The following LHFPL3 variants were observed in gnomAD, a reference collection of about 807,000 sequenced individuals.
LHFPL3 encodes the protein LHFPL tetraspan subfamily member 3 protein.
LHFPL3 carries 5 observed loss-of-function variants against 19.3 expected under a neutral mutation model. The ratio of observed to expected loss-of-function variants is 0.26; its 90% confidence interval spans 0.14 to 0.54. The LOEUF (loss-of-function observed/expected upper bound fraction) is 0.54. LHFPL3 is among the 20% of genes least tolerant of loss of function. The pLI, the probability that LHFPL3 is intolerant of heterozygous loss-of-function variation, is 0.94. For missense variants in LHFPL3, 249 were observed against 307.4 expected (o/e 0.81, Z 1.42); for synonymous variants, 133 against 126.2 (o/e 1.05, Z -0.36).
intron 1 of LHFPL3, among the ~76,000 whole-genome samples, chr7:104,633,388 A>T (rs1449316163): frequency 6.6e-6 from 1 of 152,200 alleles, no homozygotes; most frequent in Admixed American, 6.5e-5. Context: ...CAAGTGGCTG[A>T]AAAAAGTCAC....
intron 1 of LHFPL3, among the ~76,000 whole-genome samples, chr7:104,345,681 C>T (rs951758428): frequency 1.3e-5 from 2 of 152,064 alleles, no homozygotes; most frequent in Non-Finnish European, 2.9e-5. Flanking sequence ...ATTGAAGCTA[C>T]ATTCAATATA....
chr7:104,338,702 CTT>C (rs1554376988), intron 1 of LHFPL3, among the ~76,000 whole-genome samples: 3 of 152,086 alleles, frequency 2.0e-5, no homozygotes, highest in Non-Finnish European at 4.4e-5. Context: ...CCATTTATGA[CTT>C]TTATTGCTAA....
chr7:104,598,061 A>G (rs1215089079), intron 1 of LHFPL3, among the ~76,000 whole-genome samples: 1 of 152,214 alleles, frequency 6.6e-6, no homozygotes, highest in Non-Finnish European at 1.5e-5. Flanking sequence ...CAATGTCCCA[A>G]AGAAATCATC....
At chr7:104,564,105 G>C (rs1584405120) in intron 1 of LHFPL3, among the ~76,000 whole-genome samples, 1 of 152,056 alleles carries the variant, frequency 6.6e-6, no homozygotes, top group Non-Finnish European at 1.5e-5. Context: ...TTGTATAAAA[G>C]AGAAAACTCA....
intron 1 of LHFPL3, among the ~76,000 whole-genome samples, chr7:104,635,247 C>T (rs1332553938): frequency 6.6e-6 from 1 of 151,974 alleles, no homozygotes; most frequent in Non-Finnish European, 1.5e-5. Context: ...AAAAAAAGAA[C>T]TTAAAAGACA....
rs1790540959 is a variant in LHFPL3, at chr7:104,368,512, CCT to C, written c.445+39290_445+39291del. 2.6e-5 allele frequency among the ~76,000 whole-genome samples: 4 copies of C among 152,132 alleles called. No individual in the cohort carries two copies. The South Asian group carries it at 8.3e-4, about 32-fold the overall frequency. On this transcript the variant is annotated intron_variant, in intron 1 of 2. Transcript: ENST00000424859. ...GTCCCATTTCTGCGGCGCGTAATCTCCTCCTTTATGTTCACCAGTACTTCTTG... is the reference window on the plus strand; with the variant it reads ...GTCCCATTTCTGCGGCGCGTAATCTCCCTTTATGTTCACCAGTACTTCTTG...
intron 1 of LHFPL3, among the ~76,000 whole-genome samples, chr7:104,683,153 C>A (rs1792741569): frequency 6.6e-6 from 1 of 152,148 alleles, no homozygotes; most frequent in East Asian, 1.9e-4. Flanking sequence ...CCACACTCAG[C>A]TGATTTTTGT....
intron 1 of LHFPL3, among the ~76,000 whole-genome samples, chr7:104,694,993 G>A (rs1185302928): frequency 6.6e-6 from 1 of 152,226 alleles, no homozygotes; most frequent in Non-Finnish European, 1.5e-5. Flanking sequence ...CTGTGCAGAA[G>A]GGCTATTTGT....
chr7:104,756,209 TGAG>T (rs991124118), intron 2 of LHFPL3, among the ~76,000 whole-genome samples: 1 of 152,180 alleles, frequency 6.6e-6, no homozygotes, highest in African/African-American at 2.4e-5. Flanking sequence ...AAGTAAGGAC[TGAG>T]ATTAGTTTAC....
intron 1 of LHFPL3, among the ~76,000 whole-genome samples, chr7:104,371,597 A>G (rs1418902204): frequency 6.6e-6 from 1 of 152,074 alleles, no homozygotes; most frequent in Non-Finnish European, 1.5e-5. Flanking sequence ...CAAATTCTGG[A>G]GTAGTGATAT....
intron 1 of LHFPL3, among the ~76,000 whole-genome samples, chr7:104,513,791 A>G (rs1052723992): frequency 3.3e-5 from 5 of 152,220 alleles, no homozygotes; most frequent in Non-Finnish European, 7.3e-5. Context: ...GATCTTGGGT[A>G]TCTGCTGGGC....
chr7:104,367,327 G>T (rs1445253289), intron 1 of LHFPL3, among the ~76,000 whole-genome samples: 1 of 152,134 alleles, frequency 6.6e-6, no homozygotes. Flanking sequence ...TAAACATCAG[G>T]GCAGCCCTTG....
At position 104,634,157 on chromosome 7, in the gene LHFPL3, T is replaced by G. The variant is rs544728506; in HGVS notation, c.446-102518T>G. Among the ~76,000 whole-genome samples, 5 of 152,358 alleles carry G rather than the reference T, an allele frequency of 3.3e-5. 1 individual carries two copies. The highest frequency in any genetic ancestry group is 1.2e-4 in the African/African-American group (5 of 41,594). On this transcript the variant is annotated intron_variant, in intron 1 of 2. Transcript: ENST00000424859. Reference sequence around the variant, plus strand: ...ATACCAATAGCTAACAAACATTTATTCATAAAATATGAGGTCCCTATGTCA... The same window carrying G: ...ATACCAATAGCTAACAAACATTTATGCATAAAATATGAGGTCCCTATGTCA...
intron 2 of LHFPL3, among the ~76,000 whole-genome samples, chr7:104,873,191 G>A (rs915123159): frequency 6.6e-6 from 1 of 152,202 alleles, no homozygotes; most frequent in Non-Finnish European, 1.5e-5. Context: ...AGCCAATGCA[G>A]GCTGAAGCAC....
intron 1 of LHFPL3, among the ~76,000 whole-genome samples, chr7:104,621,546 G>C (rs1390397786): frequency 6.6e-6 from 1 of 152,186 alleles, no homozygotes; most frequent in Non-Finnish European, 1.5e-5. Context: ...ACTTTCACCA[G>C]AGCTTCCAAA....
At chr7:104,568,375 G>A (rs1790162861) in intron 1 of LHFPL3, among the ~76,000 whole-genome samples, 1 of 152,174 alleles carries the variant, frequency 6.6e-6, no homozygotes, top group African/African-American at 2.4e-5. Flanking sequence ...CAGGGACCAA[G>A]TCCTGTTCTT....
intron 1 of LHFPL3, among the ~76,000 whole-genome samples, chr7:104,404,449 G>C (rs1055628132): frequency 6.6e-6 from 1 of 152,080 alleles, no homozygotes; most frequent in Non-Finnish European, 1.5e-5. Flanking sequence ...TTAATTATTG[G>C]TCAATTTTTA....
At chr7:104,803,221 A>C (rs922214611) in intron 2 of LHFPL3, among the ~76,000 whole-genome samples, 7 of 152,218 alleles carry the variant, frequency 4.6e-5, no homozygotes, top group African/African-American at 1.7e-4. Context: ...TCACTCCCCA[A>C]GTCAAATTTG....
chr7:104,589,650 T>G (rs1409724168), intron 1 of LHFPL3, among the ~76,000 whole-genome samples: 1 of 152,208 alleles, frequency 6.6e-6, no homozygotes, highest in East Asian at 1.9e-4. Context: ...GAGGATTCCC[T>G]CTTTTTCTAT....
Sources: gnomAD v4.1 joint callset for allele counts (sites outside exome capture counted in the v4.1 genomes callset) on GRCh38, gnomAD v4.1.1 for gene constraint, MANE v1.5 for transcripts, NCBI Gene and HGNC (gene_info 2026-07-23, HGNC 2026-07-21) for gene names.